DMD: variants seen among roughly 807,000 people sequenced by gnomAD.
The protein encoded by DMD is dystrophin, also known as mutant dystrophin.
In DMD, 63 loss-of-function variants were observed where a neutral mutation model predicts 330.1. The ratio of observed to expected loss-of-function variants is 0.19; its 90% CI spans 0.16 to 0.24. DMD has a LOEUF of 0.24. Ranked by LOEUF, DMD falls within the 10% of genes least tolerant of loss-of-function variation. The pLI, the probability that DMD is intolerant of heterozygous loss-of-function variation, is 1.00. For missense variants in DMD, 3,344 were observed against 2,684.1 expected, an observed-to-expected ratio of 1.25 and a Z score of -5.43; for synonymous variants, 1,223 against 959.8, an observed-to-expected ratio of 1.27 and a Z score of -5.07.
intron 1 of DMD, chrX:33,041,520 T>G: frequency 8.3e-7 from 1 of 1,205,735 alleles, no homozygotes; most frequent in Non-Finnish European, 1.1e-6. Context: ...AAATGAGAGC[T>G]GAAGATGGTG....
chrX:33,200,267 G>A (rs1018659226), intron 1 of DMD, among the ~76,000 whole-genome samples: 2 of 110,182 alleles, frequency 1.8e-5, no homozygotes, highest in African/African-American at 6.6e-5. Context: ...TTTCCCAACC[G>A]TGTTGTAGTG....
intron 51 of DMD, among the ~76,000 whole-genome samples, chrX:31,761,016 G>A: frequency 1.0e-5 from 1 of 99,256 alleles, no homozygotes; most frequent in Non-Finnish European, 2.0e-5. Context: ...CTCCCGAGTA[G>A]CTGGGACCAC....
At chrX:32,335,410 T>A (rs968828681) in intron 41 of DMD, among the ~76,000 whole-genome samples, 1 of 105,119 alleles carries the variant, frequency 9.5e-6, no homozygotes, top group Non-Finnish European at 1.9e-5. Flanking sequence ...ATAACATATA[T>A]ATATAACTTG....
chrX:33,319,716 C>T (rs897703092), intron 1 of DMD, among the ~76,000 whole-genome samples: 5 of 111,828 alleles, frequency 4.5e-5, no homozygotes, highest in African/African-American at 1.3e-4. Flanking sequence ...ACCTGACTCA[C>T]GTAAGAAGAC....
At chrX:32,354,782 T>C (rs2097793399) in intron 37 of DMD, among the ~76,000 whole-genome samples, 2 of 111,335 alleles carry the variant, frequency 1.8e-5, no homozygotes, top group Admixed American at 9.6e-5. Flanking sequence ...TAGATTTCAA[T>C]TGATTTTGTA....
At chrX:32,589,768 G>A (rs184812423) in intron 13 of DMD, among the ~76,000 whole-genome samples, 1 of 111,279 alleles carries the variant, frequency 9.0e-6, no homozygotes, top group Admixed American at 9.6e-5. Flanking sequence ...TAACTCCTCA[G>A]GACATAGCTA....
chrX:32,022,745 T>C (rs1402312466), intron 44 of DMD, among the ~76,000 whole-genome samples: 1 of 111,441 alleles, frequency 9.0e-6, no homozygotes, highest in African/African-American at 3.3e-5. Flanking sequence ...GAATGGGGAA[T>C]GCAAACAGGG....
chrX:32,655,378 C>T (rs111444376), intron 9 of DMD, among the ~76,000 whole-genome samples: 1,484 of 112,176 alleles, frequency 0.013, 20 homozygotes, highest in African/African-American at 0.046. Context: ...TTTATTTCTG[C>T]CTTCATTTCG....
chrX:32,100,529 C>T (rs1403392394), intron 44 of DMD, among the ~76,000 whole-genome samples: 5 of 110,423 alleles, frequency 4.5e-5, no homozygotes, highest in South Asian at 3.8e-4. Context: ...TTTAGATTTA[C>T]GCTTTTTCAA....
At chrX:31,785,605 GC>G (rs1356458459) in intron 50 of DMD, among the ~76,000 whole-genome samples, 1 of 108,363 alleles carries the variant, frequency 9.2e-6, no homozygotes, top group Admixed American at 9.9e-5. Flanking sequence ...CCCTCCCTCT[GC>G]CCCCCAATCC....
rs894679677 is a variant in DMD at position 32,340,706 on chromosome X, A to C, written c.5922+1394T>G. On this transcript the variant is annotated intron_variant, in intron 41 of 78. Coordinates refer to ENST00000357033, the MANE Select transcript of DMD (RefSeq NM_004006.3). ...TAAATTGAGGTGAAACTATTTTATT[A>C]GAATTTTCTTTTTGATTGCCTTAAT... Among the ~76,000 whole-genome samples, 3 of 112,148 alleles carry C rather than the reference A, an allele frequency of 2.7e-5. No homozygotes were observed. In the Admixed American group the frequency reaches 2.8e-4, roughly 11 times the overall value.
At chrX:32,823,591 A>G (rs1391908082) in intron 4 of DMD, among the ~76,000 whole-genome samples, 1 of 112,085 alleles carries the variant, frequency 8.9e-6, no homozygotes, top group Non-Finnish European at 1.9e-5. Flanking sequence ...AAATATATTT[A>G]CTTTCAGCAC....
intron 2 of DMD, among the ~76,000 whole-genome samples, chrX:32,939,413 A>T (rs1371747424): frequency 9.0e-6 from 1 of 110,640 alleles, no homozygotes; most frequent in Non-Finnish European, 1.9e-5. Flanking sequence ...ATAAAAAATG[A>T]TGATGTAGAC....
chrX:32,398,531 G>C (rs748462629), intron 30 of DMD, among the ~76,000 whole-genome samples: 2 of 110,800 alleles, frequency 1.8e-5, no homozygotes, highest in Admixed American at 9.7e-5. Flanking sequence ...ATCTCCAGCA[G>C]AGAAGTAAAG....
At position 31,341,891 on chromosome X, in the gene DMD, GCACACA is replaced by G. The variant is rs58867858; in HGVS notation, c.9163+6659_9163+6664del. On this transcript the variant is annotated intron_variant, in intron 61 of 78. Coordinates refer to ENST00000357033, the MANE Select transcript of DMD (RefSeq NM_004006.3). ...GGCGTGCGCGCGTGCGTGCGCGCGC[GCACACA>G]CACACACACACACACACACACACGC... 5.2e-3 allele frequency among the ~76,000 whole-genome samples: 512 copies of G among 98,867 alleles called. 3 individuals are homozygous for G. The highest frequency in any genetic ancestry group is 0.015 in the African/African-American group (419 of 27,253). The allele number at this position is 98,867 out of a possible 115,157, so 85.9% of individuals were successfully genotyped here.
At position 32,632,934 on chromosome X, in the gene DMD, T is replaced by C. The variant is rs1474443215; in HGVS notation, c.1331+11198A>G. Among the ~76,000 whole-genome samples the C allele has an allele frequency of 5.3e-5, 6 of 112,472 alleles. No homozygotes were observed. In the East Asian group the frequency reaches 1.7e-3, roughly 32 times the overall value. ...TCAGCACTTGCCTTCTTTGTAGGTA[T>C]ACAAATTTTTCTAGCAAGTGGTTGC... is the stretch of plus-strand genomic sequence containing the variant. On this transcript the variant is annotated intron_variant, in intron 11 of 78. Transcript: ENST00000357033.
intron 1 of DMD, among the ~76,000 whole-genome samples, chrX:33,070,661 CTCTCTCTCTCTCTATATATATATA>C (rs1230779632): frequency 4.5e-5 from 2 of 44,234 alleles, no homozygotes; most frequent in Non-Finnish European, 7.8e-5. Context: ...CTCTCTCTCT[CTCTCTCTCTCTCTATATATATATA>C]TATATATATA....
At chrX:31,976,014 C>G (rs1001453708) in intron 44 of DMD, among the ~76,000 whole-genome samples, 1 of 110,933 alleles carries the variant, frequency 9.0e-6, no homozygotes, top group Non-Finnish European at 1.9e-5. Flanking sequence ...TTGGATACCT[C>G]CTATTAGCCA....
chrX:33,325,071 A>G (rs939639901), intron 1 of DMD, among the ~76,000 whole-genome samples: 7 of 111,933 alleles, frequency 6.3e-5, no homozygotes, highest in African/African-American at 2.3e-4. Flanking sequence ...CCCACAAATG[A>G]TCATTTCATT....
Sources: gnomAD v4.1 joint callset for allele counts (sites outside exome capture counted in the v4.1 genomes callset) on GRCh38, gnomAD v4.1.1 for gene constraint, MANE v1.5 for transcripts, NCBI Gene and HGNC (gene_info 2026-07-23, HGNC 2026-07-21) for gene names.